Variants in SORCS1 observed in about 807,000 individuals in gnomAD.
The protein encoded by SORCS1 is sortilin related VPS10 domain containing receptor 1.
SORCS1 carries 60 observed loss-of-function variants against 146.1 expected under a neutral mutation model. The ratio of observed to expected loss-of-function variants is 0.41; its 90% CI spans 0.33 to 0.51. The LOEUF (loss-of-function observed/expected upper bound fraction) is 0.51, where lower values mean the gene tolerates loss of function less well. Ranked by LOEUF, SORCS1 falls within the 20% of genes least tolerant of loss-of-function variation. The pLI is 0.21. For synonymous variants in SORCS1, 637 were observed against 584.0 expected (o/e 1.09, Z -1.31); for missense variants, 1,352 against 1,487.6 (o/e 0.91, Z 1.50).
intron 5 of SORCS1, among the ~76,000 whole-genome samples, chr10:106,749,012 T>C (rs1857952184): frequency 1.3e-5 from 2 of 152,214 alleles, no homozygotes; most frequent in Admixed American, 6.5e-5. Flanking sequence ...AATGCCATCA[T>C]GCTAGGTAGA....
chr10:106,655,823 C>A (rs894855601), intron 17 of SORCS1, among the ~76,000 whole-genome samples: 1 of 152,168 alleles, frequency 6.6e-6, no homozygotes, highest in Non-Finnish European at 1.5e-5. Context: ...CTGCTTTTTG[C>A]ATTACAGAAT....
chr10:106,592,773 TTC>T (rs1845681037), intron 24 of SORCS1, among the ~76,000 whole-genome samples: 1 of 151,752 alleles, frequency 6.6e-6, no homozygotes, highest in Admixed American at 6.6e-5. Flanking sequence ...TCCCCACTGT[TTC>T]TCTTTTTTTT....
rs75047945 is a variant in SORCS1, at chr10:106,677,620, A to G, written c.1741-216T>C. ...ATAATTTTAGGTGTGTATAAAATAAATTTGAACAATGAATATTTATGGGTT... is the reference window on the plus strand; with the variant it reads ...ATAATTTTAGGTGTGTATAAAATAAGTTTGAACAATGAATATTTATGGGTT... On this transcript the variant is annotated intron_variant, in intron 12 of 25. Transcript: ENST00000263054. Among the ~76,000 whole-genome samples the G allele has an allele frequency of 1.7e-3, 257 of 152,338 alleles. 2 individuals carry two copies. The highest frequency in any genetic ancestry group is 6.0e-3 in the African/African-American group (248 of 41,588).
intron 2 of SORCS1, among the ~76,000 whole-genome samples, chr10:106,942,657 G>C (rs1171334357): frequency 6.6e-6 from 1 of 152,152 alleles, no homozygotes; most frequent in Non-Finnish European, 1.5e-5. Context: ...ATTTGTGGGA[G>C]TCCCTATCCT....
chr10:106,976,657 A>C (rs1956038324), intron 1 of SORCS1, among the ~76,000 whole-genome samples: 2 of 152,086 alleles, frequency 1.3e-5, no homozygotes, highest in South Asian at 4.1e-4. Context: ...TAAGCCGCAC[A>C]TGCATTAGGT....
At chr10:106,888,048 G>A (rs776447497) in intron 2 of SORCS1, among the ~76,000 whole-genome samples, 2 of 152,108 alleles carry the variant, frequency 1.3e-5, no homozygotes, top group African/African-American at 4.8e-5. Context: ...TATAAATGGC[G>A]ACAGTACTGG....
intron 1 of SORCS1, among the ~76,000 whole-genome samples, chr10:107,011,804 T>C (rs956560008): frequency 1.1e-4 from 16 of 152,330 alleles, no homozygotes; most frequent in African/African-American, 3.8e-4. Context: ...TTTTACTGTA[T>C]GCCATGGAGA....
chr10:107,088,085 GT>G (rs1391554850), intron 1 of SORCS1, among the ~76,000 whole-genome samples: 3 of 132,906 alleles, frequency 2.3e-5, no homozygotes, highest in African/African-American at 8.5e-5. Flanking sequence ...CGCCTGGCTA[GT>G]TTTTTGTATT....
chr10:106,983,494 T>C (rs1956326269), intron 1 of SORCS1, among the ~76,000 whole-genome samples: 1 of 152,118 alleles, frequency 6.6e-6, no homozygotes, highest in South Asian at 2.1e-4. Flanking sequence ...CACAGGACAA[T>C]GAGGACCCTA....
chr10:106,750,828 G>T (rs558755650), intron 5 of SORCS1, among the ~76,000 whole-genome samples: 1 of 148,040 alleles, frequency 6.8e-6, no homozygotes, highest in African/African-American at 2.5e-5. Context: ...GGGAGGCCGA[G>T]GCGGGCGGAT....
intron 9 of SORCS1, among the ~76,000 whole-genome samples, chr10:106,688,723 T>C (rs1221618558): frequency 6.6e-6 from 1 of 152,210 alleles, no homozygotes; most frequent in South Asian, 2.1e-4. Flanking sequence ...AGATCTCACT[T>C]AATCCTTAAA....
chr10:106,598,236 A>ATATTATTATTAT (rs10579142), intron 23 of SORCS1, among the ~76,000 whole-genome samples: 1,909 of 140,462 alleles, frequency 0.014, 31 homozygotes, highest in African/African-American at 0.033. Context: ...CACTCCTATT[A>ATATTATTATTAT]TATTATTATT....
chr10:106,967,735 T>C (rs1338857109), intron 1 of SORCS1, among the ~76,000 whole-genome samples: 1 of 152,092 alleles, frequency 6.6e-6, no homozygotes, highest in African/African-American at 2.4e-5. Flanking sequence ...CTCCAGTGCT[T>C]AGAAGGGGAG....
intron 17 of SORCS1, among the ~76,000 whole-genome samples, chr10:106,666,713 T>C (rs982194359): frequency 6.0e-5 from 9 of 151,100 alleles, no homozygotes; most frequent in Admixed American, 5.3e-4. Flanking sequence ...CACACCACCA[T>C]GTGCAGTTAA....
At chr10:106,979,898 AT>A (rs1270655670) in intron 1 of SORCS1, among the ~76,000 whole-genome samples, 2 of 152,152 alleles carry the variant, frequency 1.3e-5, no homozygotes, top group Non-Finnish European at 2.9e-5. Context: ...CTCCTACCTC[AT>A]TGGATTACGA....
intron 2 of SORCS1, among the ~76,000 whole-genome samples, chr10:106,911,330 T>C (rs1952139809): frequency 6.6e-6 from 1 of 152,210 alleles, no homozygotes; most frequent in East Asian, 1.9e-4. Flanking sequence ...CACCATCCGG[T>C]GACACATTGA....
intron 1 of SORCS1, among the ~76,000 whole-genome samples, chr10:106,997,696 C>T (rs1169485419): frequency 6.6e-6 from 1 of 152,214 alleles, no homozygotes; most frequent in Non-Finnish European, 1.5e-5. Flanking sequence ...TATATAGACA[C>T]TGTGGTTTCA....
intron 17 of SORCS1, among the ~76,000 whole-genome samples, chr10:106,666,757 G>A (rs1851189342): frequency 6.6e-6 from 1 of 151,412 alleles, no homozygotes; most frequent in Admixed American, 6.6e-5. Flanking sequence ...GTAGAGATGG[G>A]GTTTCACCAT....
chr10:106,707,173 T>TAAGGA (rs1854592369), intron 7 of SORCS1, among the ~76,000 whole-genome samples: 1 of 142,992 alleles, frequency 7.0e-6, no homozygotes, highest in African/African-American at 2.6e-5. Flanking sequence ...AATCTAGGTC[T>TAAGGA]CTTCTATTTA....
Sources: allele counts gnomAD v4.1 joint callset (sites outside exome capture counted in the v4.1 genomes callset), GRCh38; gene constraint gnomAD v4.1.1; transcripts MANE v1.5; gene names NCBI Gene and HGNC (gene_info 2026-07-23, HGNC 2026-07-21).